SCHIP1: variants seen among roughly 807,000 people sequenced by gnomAD.
SCHIP1 encodes the protein schwannomin-interacting protein 1.
SCHIP1 carries 8 observed loss-of-function variants against 29.7 expected under a neutral mutation model. The observed-to-expected ratio is 0.27, with a 90% CI of 0.16 to 0.49. SCHIP1 has a LOEUF of 0.49. Among genes scored for constraint, SCHIP1 ranks in the 20% least tolerant of loss-of-function variants. The pLI is 0.99. For missense variants in SCHIP1, 193 were observed against 294.6 expected (o/e 0.66, Z 2.52); for synonymous variants, 76 against 94.9 (o/e 0.80, Z 1.16).
chr3:159,396,314 A>G, the SCHIP1 span, among the ~76,000 whole-genome samples: 1 of 150,172 alleles, frequency 6.7e-6, no homozygotes, highest in African/African-American at 2.5e-5. Flanking sequence ...CATTTAGTCC[A>G]TTTACATTTA....
chr3:159,324,417 T>A, the SCHIP1 span, among the ~76,000 whole-genome samples: 1 of 152,196 alleles, frequency 6.6e-6, no homozygotes, highest in Non-Finnish European at 1.5e-5. Context: ...TCTTTGCCTG[T>A]CTGATAGGTA....
the SCHIP1 span, among the ~76,000 whole-genome samples, chr3:159,563,080 G>A: frequency 6.6e-6 from 1 of 152,286 alleles, no homozygotes; most frequent in Non-Finnish European, 1.5e-5. Flanking sequence ...TTACAACTCA[G>A]TCAGGAGAGA....
chr3:159,649,525 G>A, the SCHIP1 span, among the ~76,000 whole-genome samples: 2 of 151,958 alleles, frequency 1.3e-5, no homozygotes, highest in African/African-American at 4.8e-5. Context: ...AAAATGAACT[G>A]AGAAATAATG....
the SCHIP1 span, among the ~76,000 whole-genome samples, chr3:159,522,001 T>G: frequency 3.3e-5 from 5 of 152,208 alleles, no homozygotes; most frequent in African/African-American, 1.2e-4. Context: ...CAATTAAAAA[T>G]TTTAAATATC....
At chr3:159,690,190 C>T in the SCHIP1 span, among the ~76,000 whole-genome samples, 1 of 152,100 alleles carries the variant, frequency 6.6e-6, no homozygotes, top group Non-Finnish European at 1.5e-5. Context: ...CCTTTTTGTA[C>T]CTCTGGTAGA....
At chr3:159,512,055 A>G in the SCHIP1 span, among the ~76,000 whole-genome samples, 1 of 152,218 alleles carries the variant, frequency 6.6e-6, no homozygotes, top group Admixed American at 6.5e-5. Flanking sequence ...ATGAAAATGT[A>G]AGCAACATAT....
the SCHIP1 span, among the ~76,000 whole-genome samples, chr3:159,404,214 T>C: frequency 6.6e-6 from 1 of 152,040 alleles, no homozygotes; most frequent in East Asian, 1.9e-4. Flanking sequence ...CTAGCTTTAG[T>C]GGCTACAGGA....
the SCHIP1 span, among the ~76,000 whole-genome samples, chr3:159,346,278 T>C: frequency 5.9e-5 from 8 of 136,284 alleles, no homozygotes; most frequent in Non-Finnish European, 7.8e-5. Flanking sequence ...GTTTTTTTTT[T>C]CTTAAAAAAA....
the SCHIP1 span, among the ~76,000 whole-genome samples, chr3:159,579,867 A>G: frequency 6.6e-6 from 1 of 152,184 alleles, no homozygotes; most frequent in African/African-American, 2.4e-5. Context: ...CTTGGAAGTT[A>G]GATCAGTAGA....
exon 1 of SCHIP1, chr3:159,840,133 C>G (rs1744091197): frequency 6.5e-7 from 1 of 1,533,484 alleles, no homozygotes; most frequent in South Asian, 1.2e-5. Flanking sequence ...CTGCCCTCCG[C>G]AGCCTCGCTC....
chr3:159,767,293 T>C, the SCHIP1 span, among the ~76,000 whole-genome samples: 1 of 152,236 alleles, frequency 6.6e-6, no homozygotes, highest in African/African-American at 2.4e-5. Flanking sequence ...GGAGTCATAG[T>C]AAAGTTGGTA....
At chr3:159,487,561 C>T in the SCHIP1 span, among the ~76,000 whole-genome samples, 3 of 152,158 alleles carry the variant, frequency 2.0e-5, no homozygotes, top group Non-Finnish European at 4.4e-5. Flanking sequence ...TCCAAATAAG[C>T]TTGGCCCAAC....
the SCHIP1 span, among the ~76,000 whole-genome samples, chr3:159,631,932 A>T: frequency 6.6e-6 from 1 of 152,074 alleles, no homozygotes; most frequent in Non-Finnish European, 1.5e-5. Context: ...CTCATCTCTT[A>T]CTTTCTCCAC....
At chr3:159,723,751 C>A in the SCHIP1 span, among the ~76,000 whole-genome samples, 1 of 152,136 alleles carries the variant, frequency 6.6e-6, no homozygotes, top group South Asian at 2.1e-4. Flanking sequence ...ACTCAGCAAA[C>A]AATCAGTCCA....
the SCHIP1 span, among the ~76,000 whole-genome samples, chr3:159,808,898 AG>A: frequency 6.6e-6 from 1 of 152,080 alleles, no homozygotes; most frequent in Non-Finnish European, 1.5e-5. Flanking sequence ...CAGAGGTTGC[AG>A]TGAGCTGAGA....
At chr3:159,273,634 T>C in the SCHIP1 span, 2 of 1,339,414 alleles carry the variant, frequency 1.5e-6, no homozygotes, top group South Asian at 2.0e-5. Context: ...CAAAATCTAC[T>C]TTGAGCTGCT....
the SCHIP1 span, among the ~76,000 whole-genome samples, chr3:159,663,945 A>G: frequency 6.6e-6 from 1 of 152,202 alleles, no homozygotes; most frequent in Non-Finnish European, 1.5e-5. Context: ...ATTTTGACAG[A>G]CCTTATAAGA....
the SCHIP1 span, among the ~76,000 whole-genome samples, chr3:159,509,179 T>G: frequency 6.6e-6 from 1 of 152,232 alleles, no homozygotes; most frequent in African/African-American, 2.4e-5. Context: ...ATATTTAGGA[T>G]AGTTAGCTCT....
At chr3:159,715,273 T>TA in the SCHIP1 span, among the ~76,000 whole-genome samples, 1 of 152,120 alleles carries the variant, frequency 6.6e-6, no homozygotes, top group South Asian at 2.1e-4. Context: ...CAAAGGTAGA[T>TA]AAAACCACAA....
Sources: allele counts gnomAD v4.1 joint callset (sites outside exome capture counted in the v4.1 genomes callset), GRCh38; gene constraint gnomAD v4.1.1; transcripts MANE v1.5; gene names NCBI Gene and HGNC (gene_info 2026-07-23, HGNC 2026-07-21).